Variants in MYO1D observed in about 807,000 individuals in gnomAD.
The protein encoded by MYO1D is unconventional myosin-Id.
MYO1D carries 83 observed loss-of-function variants against 122.0 expected under a neutral mutation model. The observed-to-expected ratio is 0.68, with a 90% CI of 0.57 to 0.82. The LOEUF is 0.82. MYO1D is among the 40% of genes least tolerant of loss of function. The pLI, the probability that MYO1D is intolerant of heterozygous loss-of-function variation, is 0.00. For missense variants in MYO1D, 1,157 were observed against 1,269.5 expected, an observed-to-expected ratio of 0.91 and a Z score of 1.35; for synonymous variants, 464 against 446.9, an observed-to-expected ratio of 1.04 and a Z score of -0.48.
chr17:32,813,471 G>T (rs765179457), intron 1 of MYO1D, among the ~76,000 whole-genome samples: 1 of 152,200 alleles, frequency 6.6e-6, no homozygotes, highest in Non-Finnish European at 1.5e-5. Flanking sequence ...GAATGGGTAG[G>T]AATTATTGAG....
Position 32,780,771 on chromosome 17 carries a change from G to A in MYO1D, c.109C>T (p.Arg37Cys), listed in dbSNP as rs201799480. Reference sequence around the variant, plus strand: ...ACTTCTCCAATGAACGTATAGATGCGCCCTTTTTCAAATCTGTACAGAAGC... The same window carrying A: ...ACTTCTCCAATGAACGTATAGATGCACCCTTTTTCAAATCTGTACAGAAGC... Reference protein sequence around the residue: ...ANLRLRFEKGRIYTFIGEVVV... With the variant: ...ANLRLRFEKGCIYTFIGEVVV... Residue 37 changes from arginine (R) to cysteine (C), a missense_variant, in exon 2 of 22, where the codon CGC becomes TGC. By Grantham distance (180) the Arg-to-Cys change is radical. Transcript: ENST00000318217. The A allele has an allele frequency of 4.3e-5, 70 of 1,613,936 alleles. No homozygotes were observed. Among genetic ancestry groups the A allele is most frequent in the Middle Eastern group, 1.6e-4 (1 of 6,084 alleles).
chr17:32,761,586 C>A (rs2090002560), intron 8 of MYO1D, among the ~76,000 whole-genome samples: 1 of 152,124 alleles, frequency 6.6e-6, no homozygotes, highest in Non-Finnish European at 1.5e-5. Context: ...TCTTCCTGGT[C>A]CTCTTCTCTT....
chr17:32,829,402 T>C (rs2090752004), intron 1 of MYO1D, among the ~76,000 whole-genome samples: 1 of 152,364 alleles, frequency 6.6e-6, no homozygotes, highest in East Asian at 1.9e-4. Context: ...CCTGAGGTTG[T>C]ACCCTAGTTC....
At chr17:32,626,273 A>G (rs1261512904) in intron 20 of MYO1D, among the ~76,000 whole-genome samples, 1 of 152,248 alleles carries the variant, frequency 6.6e-6, no homozygotes, top group African/African-American at 2.4e-5. Flanking sequence ...AAGGAAGCCT[A>G]TTATTGCCGC....
chr17:32,792,895 T>C (rs2090369260), intron 1 of MYO1D, among the ~76,000 whole-genome samples: 1 of 152,026 alleles, frequency 6.6e-6, no homozygotes, highest in Admixed American at 6.5e-5. Context: ...CCCCCTACCT[T>C]GGTCTCCAAT....
chr17:32,600,874 GA>G (rs2087553783), intron 21 of MYO1D, among the ~76,000 whole-genome samples: 1 of 151,848 alleles, frequency 6.6e-6, no homozygotes. Context: ...TTTAATTTAA[GA>G]GGCCCAGCTT....
At chr17:32,808,275 T>C (rs1389892842) in intron 1 of MYO1D, among the ~76,000 whole-genome samples, 1 of 151,468 alleles carries the variant, frequency 6.6e-6, no homozygotes, top group Non-Finnish European at 1.5e-5. Flanking sequence ...CTCAGGGGGC[T>C]GAGGCAGGAG....
intron 21 of MYO1D, among the ~76,000 whole-genome samples, chr17:32,517,591 G>A (rs1276424148): frequency 3.9e-5 from 6 of 152,126 alleles, no homozygotes; most frequent in South Asian, 2.1e-4. Context: ...TGAATGTCGC[G>A]TTGTTAAAGC....
chr17:32,686,383 G>C (rs1159065813), intron 16 of MYO1D: 3 of 152,232 alleles, frequency 2.0e-5, no homozygotes, highest in Non-Finnish European at 4.4e-5. Context: ...ACCTTTGGAA[G>C]AAATGTGGTC....
chr17:32,679,303 C>T (rs1174859943), intron 16 of MYO1D, among the ~76,000 whole-genome samples: 6 of 151,772 alleles, frequency 4.0e-5, no homozygotes, highest in African/African-American at 1.5e-4. Flanking sequence ...GTTGCCATTG[C>T]TTTTGGTGTT....
chr17:32,579,659 TC>T (rs984032279), intron 21 of MYO1D, among the ~76,000 whole-genome samples: 23 of 152,266 alleles, frequency 1.5e-4, no homozygotes, highest in African/African-American at 5.1e-4. Context: ...CCTACTTCCT[TC>T]CCCTCCCTAT....
intron 13 of MYO1D, among the ~76,000 whole-genome samples, chr17:32,739,960 T>C (rs1433079456): frequency 6.6e-6 from 1 of 152,232 alleles, no homozygotes; most frequent in Non-Finnish European, 1.5e-5. Flanking sequence ...TCAAAGTGGC[T>C]ACAAAATGCT....
rs886783313 is a variant in MYO1D, at chr17:32,654,573, G to A, written c.2394C>T (p.Pro798=). 1.2e-6 allele frequency: 2 copies of A among 1,613,694 alleles called. No individual in the cohort carries two copies. The highest frequency in any genetic ancestry group is 1.7e-6 in the Non-Finnish European group (2 of 1,179,880). The change falls in exon 18 of 22, where the codon CCC becomes CCT. Residue 798 remains proline, a synonymous_variant. Transcript: ENST00000318217. ...CGGCTGCAACCTTTGCCCTGACCTGGGGCAGGTCTGAGGCCGGAATGCTCT... is the reference window on the plus strand; with the variant it reads ...CGGCTGCAACCTTTGCCCTGACCTGAGGCAGGTCTGAGGCCGGAATGCTCT... ...LIKSIPASDL[P]QVRAKVAAVE...
At chr17:32,526,606 T>C (rs934020664) in intron 21 of MYO1D, among the ~76,000 whole-genome samples, 7 of 43,434 alleles carry the variant, frequency 1.6e-4, no homozygotes, top group Non-Finnish European at 3.3e-4. Context: ...TAAAGCCTTC[T>C]TTTTTTTTTT....
chr17:32,772,703 TAG>T (rs1567634795), intron 5 of MYO1D, 84 bp downstream of exon 5: 1 of 1,119,444 alleles, frequency 8.9e-7, no homozygotes, highest in Non-Finnish European at 1.4e-6. Flanking sequence ...GAGTGATGCA[TAG>T]GACAGGGGAA....
chr17:32,737,118 A>T (rs996132176), intron 14 of MYO1D, among the ~76,000 whole-genome samples: 1 of 152,206 alleles, frequency 6.6e-6, no homozygotes, highest in African/African-American at 2.4e-5. Context: ...TTAGAGAGGA[A>T]GTTGATTTTT....
chr17:32,777,821 C>T (rs899384143), intron 3 of MYO1D, among the ~76,000 whole-genome samples: 11 of 152,240 alleles, frequency 7.2e-5, no homozygotes, highest in Admixed American at 5.9e-4. Context: ...GTAGTCCCAG[C>T]TACTCGGGAA....
chr17:32,537,835 A>G (rs1233722443), intron 21 of MYO1D, among the ~76,000 whole-genome samples: 1 of 152,238 alleles, frequency 6.6e-6, no homozygotes, highest in African/African-American at 2.4e-5. Flanking sequence ...GGAAAACAAT[A>G]TAAATATTAA....
In MYO1D at chr17:32,745,266, T is replaced by A; in HGVS notation, c.1558A>T (p.Ile520Phe). 1 of 1,549,122 alleles carries A rather than the reference T, an allele frequency of 6.5e-7. No individual in the cohort carries two copies. The highest frequency in any genetic ancestry group is 8.9e-7 in the Non-Finnish European group (1 of 1,126,500). ...AATAAAGTATCTTTATTTTTGTCAA[T>A]AAAACCAATGACAGAATAGCTAACA... The part of the protein sequence containing the change: ...GDVVYSVIGF[I>F]DKNKDTLFQD... Residue 520 changes from isoleucine to phenylalanine, a missense_variant, in exon 13 of 22, where the codon ATT becomes TTT. By Grantham distance (21) the Ile-to-Phe change is conservative (BLOSUM62 0). Coordinates refer to ENST00000318217, the MANE Select transcript of MYO1D (RefSeq NM_015194.3).
Sources: allele counts gnomAD v4.1 joint callset (sites outside exome capture counted in the v4.1 genomes callset), GRCh38; gene constraint gnomAD v4.1.1; transcripts MANE v1.5; gene names NCBI Gene and HGNC (gene_info 2026-07-23, HGNC 2026-07-21).